PALM2AKAP2: variants seen among roughly 807,000 people sequenced by gnomAD.
The protein encoded by PALM2AKAP2 is PALM2-AKAP2 fusion protein.
Under a neutral mutation model 71.5 loss-of-function variants are expected in PALM2AKAP2, and 37 were observed. The ratio of observed to expected loss-of-function variants is 0.52; its 90% CI spans 0.40 to 0.68. The LOEUF (loss-of-function observed/expected upper bound fraction) is 0.68. PALM2AKAP2 is among the 30% of genes least tolerant of loss of function. The pLI is 0.00. For synonymous variants in PALM2AKAP2, 468 were observed against 478.8 expected (o/e 0.98, Z 0.29); for missense variants, 1,224 against 1,191.8 (o/e 1.03, Z -0.40).
At chr9:109,863,029 G>A (rs1829356984) in intron 1 of PALM2AKAP2, 1 of 460,106 alleles carries the variant, frequency 2.2e-6, no homozygotes, top group African/African-American at 2.0e-5. Flanking sequence ...TAGGCAATGG[G>A]GAGACATCCT....
At chr9:109,960,752 T>C (rs761092692) in intron 6 of PALM2AKAP2, among the ~76,000 whole-genome samples, 3 of 152,010 alleles carry the variant, frequency 2.0e-5, no homozygotes, top group Non-Finnish European at 2.9e-5. Context: ...AGAGAACAGA[T>C]TGGTATGGTG....
intron 1 of PALM2AKAP2, among the ~76,000 whole-genome samples, chr9:109,689,327 T>A (rs1285687346): frequency 6.6e-6 from 1 of 151,686 alleles, no homozygotes; most frequent in African/African-American, 2.4e-5. Context: ...CTCAGCCTCC[T>A]GAGTAGATGG....
chr9:109,699,636 C>T (rs867001494), intron 1 of PALM2AKAP2, among the ~76,000 whole-genome samples: 11 of 151,984 alleles, frequency 7.2e-5, no homozygotes, highest in South Asian at 2.1e-4. Flanking sequence ...ACAGTAAGAA[C>T]CCAAATGGAC....
chr9:109,687,521 A>G (rs1374171033), intron 1 of PALM2AKAP2, among the ~76,000 whole-genome samples: 1 of 152,124 alleles, frequency 6.6e-6, no homozygotes, highest in East Asian at 1.9e-4. Flanking sequence ...CTGGCTTCCA[A>G]CCTTTTTCCT....
chr9:109,901,306 G>C (rs1830326110), intron 3 of PALM2AKAP2, among the ~76,000 whole-genome samples: 1 of 152,208 alleles, frequency 6.6e-6, no homozygotes, highest in Admixed American at 6.5e-5. Flanking sequence ...GCCACCTGTT[G>C]TAAACAGCTG....
At chr9:110,156,184 T>C (rs1836450123) in intron 2 of PALM2AKAP2, 135 bp from the exon 9 acceptor site, 1 of 1,242,814 alleles carries the variant, frequency 8.0e-7, no homozygotes, top group African/African-American at 1.5e-5. Flanking sequence ...TATAATAAAA[T>C]GGCCTACACT....
At chr9:110,017,840 GC>G (rs1833007780) in intron 7 of PALM2AKAP2, among the ~76,000 whole-genome samples, 1 of 151,210 alleles carries the variant, frequency 6.6e-6, no homozygotes, top group Non-Finnish European at 1.5e-5. Flanking sequence ...CAATTATCCT[GC>G]CTCAGCCTCC....
At chr9:109,836,115 T>C (rs1361028134) in intron 1 of PALM2AKAP2, among the ~76,000 whole-genome samples, 1 of 152,182 alleles carries the variant, frequency 6.6e-6, no homozygotes, top group Non-Finnish European at 1.5e-5. Flanking sequence ...GTAGCCTAAC[T>C]GGGAGGCATC....
intron 1 of PALM2AKAP2, among the ~76,000 whole-genome samples, chr9:109,774,554 G>C (rs1019204957): frequency 6.6e-6 from 1 of 151,944 alleles, no homozygotes; most frequent in Non-Finnish European, 1.5e-5. Flanking sequence ...TCTAGTAAAG[G>C]TGTTTCTAGA....
chr9:109,824,842 T>C (rs533207503), intron 1 of PALM2AKAP2, among the ~76,000 whole-genome samples: 1 of 152,358 alleles, frequency 6.6e-6, no homozygotes, highest in Admixed American at 6.5e-5. Context: ...TCAGATCTCT[T>C]GGGGATACTG....
intron 1 of PALM2AKAP2, among the ~76,000 whole-genome samples, chr9:109,846,177 G>C (rs2769152): frequency 0.62 from 89,449 of 145,124 alleles, 27,389 homozygotes; most frequent in Admixed American, 0.69. Context: ...TCTGTCCCCC[G>C]AGTTCTTCTG....
upstream of PALM2AKAP2, among the ~76,000 whole-genome samples, chr9:109,779,217 A>AT (rs138234867): frequency 2.6e-3 from 386 of 150,924 alleles, 4 homozygotes; most frequent in African/African-American, 8.1e-3. Flanking sequence ...GTGAAGAGGC[A>AT]TTTTTTTTTG....
chr9:109,944,689 T>A (rs1831461528), intron 6 of PALM2AKAP2: 1 of 152,216 alleles, frequency 6.6e-6, no homozygotes, highest in Non-Finnish European at 1.5e-5. Flanking sequence ...TGTTTTGTTT[T>A]TAGCTTCTGG....
intron 1 of PALM2AKAP2, among the ~76,000 whole-genome samples, chr9:110,097,483 GGGT>G (rs1466525673): frequency 6.6e-6 from 1 of 151,374 alleles, no homozygotes; most frequent in Non-Finnish European, 1.5e-5. Context: ...CTCCCAGACG[GGGT>G]GGTGGCCGGG....
chr9:110,024,014 G>A (rs554509281), intron 7 of PALM2AKAP2, among the ~76,000 whole-genome samples: 1 of 152,062 alleles, frequency 6.6e-6, no homozygotes, highest in Non-Finnish European at 1.5e-5. Context: ...AGTTGCCCTT[G>A]CTACAATATC....
intron 2 of PALM2AKAP2, among the ~76,000 whole-genome samples, chr9:110,155,436 C>T (rs1269700274): frequency 2.6e-5 from 4 of 152,158 alleles, no homozygotes; most frequent in African/African-American, 9.7e-5. Context: ...CCATGAAGGG[C>T]CAGAAGCCAG....
At chr9:109,685,037 A>G (rs1002980132) in intron 1 of PALM2AKAP2, among the ~76,000 whole-genome samples, 1 of 152,218 alleles carries the variant, frequency 6.6e-6, no homozygotes, top group Non-Finnish European at 1.5e-5. Context: ...AAGTAGAGAA[A>G]CCAGATCTCA....
rs570774180 is a variant in PALM2AKAP2, at chr9:109,902,031, T to G, written c.257+21350T>G. Among the ~76,000 whole-genome samples the G allele has an allele frequency of 6.2e-4, 95 of 152,274 alleles. 1 individual carries two copies. The highest frequency in any genetic ancestry group is 2.4e-3 in the Admixed American group (36 of 15,304). On this transcript the variant is annotated intron_variant, in intron 3 of 9. Coordinates refer to the PALM2AKAP2 transcript ENST00000302798. ...ATCTGAATAGAGTTCTATCACAGAT[T>G]AGGGTTTCTCTTTCCCCAGGGTTCC...
intron 2 of PALM2AKAP2, among the ~76,000 whole-genome samples, chr9:110,144,535 A>G (rs893784930): frequency 5.9e-5 from 9 of 152,244 alleles, no homozygotes; most frequent in African/African-American, 9.6e-5. Context: ...GAGGCCGGAT[A>G]TATTTCTAGA....
Sources: allele counts gnomAD v4.1 joint callset (sites outside exome capture counted in the v4.1 genomes callset), GRCh38; gene constraint gnomAD v4.1.1; transcripts MANE v1.5; gene names NCBI Gene and HGNC (gene_info 2026-07-23, HGNC 2026-07-21).